The following EVC variants were observed in gnomAD, a reference collection of about 807,000 sequenced individuals.
EVC encodes evC complex member EVC.
In EVC, 116 loss-of-function variants were observed where a neutral mutation model predicts 118.9. That is an observed-to-expected ratio of 0.98 (90% CI 0.84 to 1.14). The LOEUF is 1.14. Ranked by LOEUF, EVC falls within the 50% of genes most tolerant of loss-of-function variation. The pLI, the probability that EVC is intolerant of heterozygous loss-of-function variation, is 0.00. For missense variants in EVC, 1,401 were observed against 1,246.4 expected (o/e 1.12, Z -1.87); for synonymous variants, 619 against 534.7 (o/e 1.16, Z -2.18).
intron 11 of EVC, among the ~76,000 whole-genome samples, chr4:5,770,340 T>C (rs752129460): frequency 1.4e-4 from 21 of 152,140 alleles, no homozygotes; most frequent in Non-Finnish European, 2.5e-4. Flanking sequence ...AGTGTTAGCA[T>C]AGACTATCAA....
downstream of EVC, among the ~76,000 whole-genome samples, chr4:5,819,279 G>A (rs1718128465): frequency 6.6e-6 from 1 of 152,186 alleles, no homozygotes; most frequent in Non-Finnish European, 1.5e-5. Flanking sequence ...GGGCCTGTGA[G>A]TATGTTATGT....
In EVC at chr4:5,714,495, A is replaced by ATT. The variant is rs56388164; in HGVS notation, c.174+2958_174+2959dup. On this transcript the variant is annotated intron_variant, in intron 1 of 20. Coordinates refer to ENST00000264956, the MANE Select transcript of EVC (RefSeq NM_153717.3). Reference sequence around the variant, plus strand: ...ATGTGCCTATATTGCTGCTGCTTGCATTTTTTTTTTTTTTTTTTGGCTGCG... The same window carrying ATT: ...ATGTGCCTATATTGCTGCTGCTTGCATTTTTTTTTTTTTTTTTTTTGGCTGCG... Among the ~76,000 whole-genome samples, 154 of 129,664 alleles carry ATT rather than the reference A, an allele frequency of 1.2e-3. 2 individuals are homozygous for ATT. Among genetic ancestry groups the ATT allele is most frequent in the Non-Finnish European group, 1.8e-3 (112 of 61,342 alleles). The allele number at this position is 129,664 out of a possible 152,430, so 85.1% of individuals were successfully genotyped here.
At chr4:5,799,569 GGA>G (rs1171151082) in intron 15 of EVC, among the ~76,000 whole-genome samples, 1 of 152,164 alleles carries the variant, frequency 6.6e-6, no homozygotes, top group Admixed American at 6.5e-5. Context: ...CAAGCTGTAA[GGA>G]GAGGTAGGGC....
At chr4:5,757,931 C>T (rs751853114) in intron 11 of EVC, 2 of 599,756 alleles carry the variant, frequency 3.3e-6, no homozygotes, top group Non-Finnish European at 5.9e-6. Context: ...CAAACAGTGT[C>T]CTTCAAAACG....
intron 6 of EVC, 49 bp from the exon 7 acceptor site, chr4:5,745,155 T>C (rs919854123): frequency 1.3e-6 from 2 of 1,584,684 alleles, no homozygotes; most frequent in Admixed American, 1.7e-5. Flanking sequence ...TAAGACACGC[T>C]AAACTTTTTC....
chr4:5,748,866 C>G (rs1486031271), intron 8 of EVC, among the ~76,000 whole-genome samples: 1 of 91,924 alleles, frequency 1.1e-5, no homozygotes, highest in East Asian at 2.8e-4. Context: ...GAACACTGGT[C>G]CTAAACCTGA....
chr4:5,825,859 G>T, the EVC span: 4 of 559,112 alleles, frequency 7.2e-6, no homozygotes, highest in South Asian at 2.3e-5. This position sits in a 1 kb window ranked among gnomAD's most constrained non-coding sequence, Gnocchi z 4.4. Flanking sequence ...ACACAAGCAT[G>T]CATACACACA....
chr4:5,802,182 A>G, intron 16 of EVC, 88 bp downstream of exon 16: 2 of 1,501,724 alleles, frequency 1.3e-6, no homozygotes, highest in Admixed American at 3.4e-5. Context: ...AGATACTGTG[A>G]ATTTTATTTT....
intron 2 of EVC, among the ~76,000 whole-genome samples, chr4:5,720,546 C>T (rs1354053949): frequency 6.6e-6 from 1 of 152,196 alleles, no homozygotes; most frequent in East Asian, 1.9e-4. Flanking sequence ...AGAAAGTGGG[C>T]TCGGGATATA....
chr4:5,753,685 CCAGCTTCCCCAACCTCCAGA>C lies in EVC; in HGVS notation c.1316-96_1316-77del, dbSNP rs1730739870. On this transcript the variant is annotated intron_variant, in intron 9 of 20. Coordinates refer to ENST00000264956, the MANE Select transcript of EVC (RefSeq NM_153717.3). ...GCGGGCACCATCTCTGCAGCCGACA[CCAGCTTCCCCAACCTCCAGA>C]CAGGAGAAAGCATGAGGGTCCCCAC... 2.8e-5 allele frequency: 43 copies of C among 1,521,296 alleles called. No individual in the cohort carries two copies. The South Asian group carries it at 4.7e-4, about 17-fold the overall frequency. 94.2% of individuals were successfully genotyped at this position (1,521,296 alleles called of 1,614,324 possible).
At chr4:5,741,941 A>G (rs1244820470) in intron 6 of EVC, 127 bp downstream of exon 6, 2 of 508,776 alleles carry the variant, frequency 3.9e-6, no homozygotes, top group African/African-American at 3.9e-5. Flanking sequence ...TTTTCAACAC[A>G]GTATAGTGAA....
chr4:5,774,455 T>A (rs1734430108), intron 11 of EVC, among the ~76,000 whole-genome samples: 2 of 152,022 alleles, frequency 1.3e-5, no homozygotes, highest in Non-Finnish European at 2.9e-5. Context: ...AAATCCTTTC[T>A]AATCCTCATA....
intron 6 of EVC, 92 bp from the exon 7 acceptor site, chr4:5,745,112 T>A: frequency 7.6e-7 from 1 of 1,314,654 alleles, no homozygotes; most frequent in Non-Finnish European, 1.1e-6. Flanking sequence ...TTTGTGAAAT[T>A]TGAAAAATAA....
At chr4:5,745,383 C>A (rs1364687163) in intron 7 of EVC, 42 bp downstream of exon 7, 1 of 1,608,358 alleles carries the variant, frequency 6.2e-7, no homozygotes. Flanking sequence ...ATTTTGGTTC[C>A]TAAAACAGTT....
intron 2 of EVC, among the ~76,000 whole-genome samples, chr4:5,725,363 C>T (rs1577342133): frequency 6.6e-6 from 1 of 152,204 alleles, no homozygotes; most frequent in East Asian, 1.9e-4. Context: ...TTTCCTTTTT[C>T]TCCACAGCCT....
chr4:5,797,311 C>A (rs1202424840), intron 14 of EVC, 79 bp downstream of exon 14: 5 of 1,231,616 alleles, frequency 4.1e-6, no homozygotes, highest in Non-Finnish European at 4.7e-6. Flanking sequence ...GCAGGTTTGC[C>A]AGAACCCGAA....
At chr4:5,828,696 C>G in the EVC span, 19 of 1,607,066 alleles carry the variant, frequency 1.2e-5, no homozygotes, top group African/African-American at 6.7e-5. Context: ...GTGTTACTTC[C>G]CAGGATTTGC....
chr4:5,822,485 G>A, the EVC span, among the ~76,000 whole-genome samples: 139 of 136,072 alleles, frequency 1.0e-3, 1 homozygote, highest in African/African-American at 4.5e-3. Flanking sequence ...GGCGATAGGT[G>A]GATCTGAAGG....
chr4:5,750,734 C>G (rs1553874872), intron 8 of EVC, among the ~76,000 whole-genome samples: 1 of 152,124 alleles, frequency 6.6e-6, no homozygotes, highest in Non-Finnish European at 1.5e-5. Context: ...ACTTGTTAGT[C>G]ATTAGAGTCC....
Sources: gnomAD v4.1 joint callset for allele counts (sites outside exome capture counted in the v4.1 genomes callset) on GRCh38, gnomAD v4.1.1 for gene constraint, Gnocchi (gnomAD v3.1) non-coding constraint, MANE v1.5 for transcripts, NCBI Gene and HGNC (gene_info 2026-07-23, HGNC 2026-07-21) for gene names.